Variants in ASIP observed in about 807,000 individuals in gnomAD.
The protein encoded by ASIP is agouti signaling protein.
In ASIP, 11 loss-of-function variants were observed where a neutral mutation model predicts 10.3. The ratio of observed to expected loss-of-function variants is 1.07; its 90% CI spans 0.68 to 1.78. The LOEUF is 1.78. Ranked by LOEUF, ASIP falls within the 40% of genes most tolerant of loss-of-function variation. ASIP has a pLI of 0.00. For missense variants in ASIP, 180 were observed against 169.2 expected, an observed-to-expected ratio of 1.06 and a Z score of -0.35; for synonymous variants, 70 against 70.8, an observed-to-expected ratio of 0.99 and a Z score of 0.06.
chr20:34,255,904 G>A (rs1428744773), intron 1 of ASIP, among the ~76,000 whole-genome samples: 8 of 152,070 alleles, frequency 5.3e-5, no homozygotes, highest in Non-Finnish European at 1.0e-4. Flanking sequence ...CCCTTTCCCC[G>A]GGGGAGTTAG....
chr20:34,196,823 G>A (rs57466466), intron 1 of ASIP, among the ~76,000 whole-genome samples: 95 of 152,242 alleles, frequency 6.2e-4, no homozygotes, highest in African/African-American at 2.2e-3. Context: ...GAGGGCATAC[G>A]CCCCTCTGAT....
the ASIP span, among the ~76,000 whole-genome samples, chr20:34,189,168 G>A: frequency 6.6e-6 from 1 of 152,166 alleles, no homozygotes; most frequent in Non-Finnish European, 1.5e-5. Flanking sequence ...AAAACCTCAA[G>A]CAATAAGGAG....
intron 1 of ASIP, among the ~76,000 whole-genome samples, chr20:34,254,408 T>C (rs1196653445): frequency 6.6e-6 from 1 of 152,210 alleles, no homozygotes; most frequent in Non-Finnish European, 1.5e-5. Flanking sequence ...GTTTCTCTAA[T>C]GAGTAATAAC....
chr20:34,265,643 G>A (rs1478185603), intron 3 of ASIP, among the ~76,000 whole-genome samples: 1 of 151,290 alleles, frequency 6.6e-6, no homozygotes, highest in Non-Finnish European at 1.5e-5. Context: ...ATAAATAGAA[G>A]GTAACTATAA....
At chr20:34,215,745 CA>C in intron 1 of ASIP, 1 of 1,475,266 alleles carries the variant, frequency 6.8e-7, no homozygotes, top group Non-Finnish European at 9.5e-7. Flanking sequence ...TTTACATGAT[CA>C]TCACTATATG....
intron 1 of ASIP, among the ~76,000 whole-genome samples, chr20:34,199,170 AATTT>A (rs1270247014): frequency 2.0e-5 from 3 of 152,106 alleles, no homozygotes; most frequent in African/African-American, 7.2e-5. Context: ...GTTTATCCAT[AATTT>A]ATTTATCTAC....
upstream of ASIP, among the ~76,000 whole-genome samples, chr20:34,238,501 C>T (rs546170227): frequency 6.6e-6 from 1 of 152,170 alleles, no homozygotes; most frequent in South Asian, 2.1e-4. Context: ...AGTTCTTGTA[C>T]TTTCTGGTTT....
At chr20:34,255,645 T>C (rs898469071) in intron 1 of ASIP, among the ~76,000 whole-genome samples, 1 of 152,234 alleles carries the variant, frequency 6.6e-6, no homozygotes, top group African/African-American at 2.4e-5. Flanking sequence ...TAATCTTTGT[T>C]CTACAATTAT....
intron 1 of ASIP, among the ~76,000 whole-genome samples, chr20:34,218,309 G>A (rs1460544793): frequency 6.6e-6 from 1 of 152,150 alleles, no homozygotes; most frequent in African/African-American, 2.4e-5. Flanking sequence ...GAATGACAGA[G>A]CCCACAAGCA....
At chr20:34,209,590 T>G (rs1307101409) in intron 1 of ASIP, among the ~76,000 whole-genome samples, 1 of 152,120 alleles carries the variant, frequency 6.6e-6, no homozygotes, top group East Asian at 1.9e-4. Context: ...CAGCACCCAC[T>G]CCAATCTTGG....
intron 3 of ASIP, 69 bp downstream of exon 3, chr20:34,262,962 CA>C: frequency 6.4e-7 from 1 of 1,554,538 alleles, no homozygotes. Flanking sequence ...GGAGGACCCC[CA>C]ACCTCTGGCT....
At chr20:34,265,457 G>A (rs1431890956) in intron 3 of ASIP, among the ~76,000 whole-genome samples, 3 of 152,074 alleles carry the variant, frequency 2.0e-5, no homozygotes, top group African/African-American at 7.2e-5. Flanking sequence ...CTGGGATATC[G>A]AGGCTACAGT....
chr20:34,203,073 G>T (rs1246870280), intron 1 of ASIP, among the ~76,000 whole-genome samples: 1 of 151,822 alleles, frequency 6.6e-6, no homozygotes, highest in Non-Finnish European at 1.5e-5. Context: ...CTCCCAAAGT[G>T]CTGGGATTAC....
Position 34,205,374 on chromosome 20 carries a change from C to T in ASIP, c.-11+10614C>T, listed in dbSNP as rs189599685. ...CAGACCTTCGTGGTGAGTGTTACAGCTCATAGAGGCGGCGCATCCGGAGTT... is the reference window on the plus strand; with the variant it reads ...CAGACCTTCGTGGTGAGTGTTACAGTTCATAGAGGCGGCGCATCCGGAGTT... On this transcript the variant is annotated intron_variant, in intron 1 of 3. Coordinates refer to the ASIP transcript ENST00000568305. Among the ~76,000 whole-genome samples, 104 of 152,164 alleles carry T rather than the reference C, an allele frequency of 6.8e-4. 1 individual carries two copies. Among genetic ancestry groups the T allele is most frequent in the African/African-American group, 2.3e-3 (95 of 41,480 alleles).
intron 1 of ASIP, among the ~76,000 whole-genome samples, chr20:34,256,393 C>T (rs190923695): frequency 3.3e-5 from 5 of 152,178 alleles, no homozygotes; most frequent in Middle Eastern, 3.2e-3. Context: ...TTTATTTCTA[C>T]GATCTCTCGT....
chr20:34,243,989 C>G (rs1485682325), intron 1 of ASIP, among the ~76,000 whole-genome samples: 1 of 152,066 alleles, frequency 6.6e-6, no homozygotes, highest in African/African-American at 2.4e-5. Context: ...GGCGTGAACC[C>G]GGGAAGCGGA....
At chr20:34,260,620 C>CGCCATGGT in intron 2 of ASIP, 86 bp downstream of exon 2, 1 of 1,385,728 alleles carries the variant, frequency 7.2e-7, no homozygotes, top group Non-Finnish European at 9.8e-7. Flanking sequence ...CAGGATCCAC[C>CGCCATGGT]GCCATGGTCA....
intron 1 of ASIP, among the ~76,000 whole-genome samples, chr20:34,259,407 G>C (rs1368999850): frequency 2.0e-5 from 3 of 151,946 alleles, no homozygotes; most frequent in Non-Finnish European, 4.4e-5. Context: ...CAGCTACTCT[G>C]GAGGCTGAGG....
the ASIP span, among the ~76,000 whole-genome samples, chr20:34,188,973 C>G: frequency 1.3e-5 from 2 of 152,134 alleles, no homozygotes; most frequent in South Asian, 4.2e-4. Flanking sequence ...GATCTTTAAC[C>G]TAAAGAGTCA....
Sources: gnomAD v4.1 joint callset for allele counts (sites outside exome capture counted in the v4.1 genomes callset) on GRCh38, gnomAD v4.1.1 for gene constraint, MANE v1.5 for transcripts, NCBI Gene and HGNC (gene_info 2026-07-23, HGNC 2026-07-21) for gene names.